The following MAGI3 variants were observed in gnomAD, a reference collection of about 807,000 sequenced individuals.
The protein encoded by MAGI3 is membrane associated guanylate kinase, WW and PDZ domain containing 3, also known as membrane-associated guanylate kinase, WW and PDZ domain-containing protein 3.
In MAGI3, 43 loss-of-function variants were observed where a neutral mutation model predicts 121.8. That is an observed-to-expected ratio of 0.35 (90% CI 0.28 to 0.46). The LOEUF (loss-of-function observed/expected upper bound fraction) is 0.46. Ranked by LOEUF, MAGI3 falls within the 20% of genes least tolerant of loss-of-function variation. MAGI3 has a pLI of 1.00. For missense variants in MAGI3, 1,547 were observed against 1,797.3 expected (o/e 0.86, Z 2.52); for synonymous variants, 553 against 639.3 (o/e 0.86, Z 2.04).
intron 1 of MAGI3, among the ~76,000 whole-genome samples, chr1:113,527,969 T>G (rs553319567): frequency 1.3e-5 from 2 of 152,154 alleles, no homozygotes; most frequent in Non-Finnish European, 2.9e-5. Context: ...TATCTATAAG[T>G]ATGTGTGTGT....
chr1:113,582,470 AC>A (rs5777161), intron 3 of MAGI3, among the ~76,000 whole-genome samples: 111,799 of 151,846 alleles, frequency 0.74, 41,698 homozygotes, highest in African/African-American at 0.78. Flanking sequence ...ATAGGTATCA[AC>A]ATTAATAGGT....
At chr1:113,472,825 T>A (rs893330376) in intron 1 of MAGI3, among the ~76,000 whole-genome samples, 1 of 152,124 alleles carries the variant, frequency 6.6e-6, no homozygotes, top group Non-Finnish European at 1.5e-5. Flanking sequence ...CAACTTGACT[T>A]CAAATACCTA....
At chr1:113,526,731 A>G (rs1165444354) in intron 1 of MAGI3, among the ~76,000 whole-genome samples, 1 of 152,210 alleles carries the variant, frequency 6.6e-6, no homozygotes, top group Non-Finnish European at 1.5e-5. Flanking sequence ...CTGTTGGCTC[A>G]ATCAGGCTAA....
chr1:113,410,873 A>C (rs190606120), intron 1 of MAGI3, among the ~76,000 whole-genome samples: 2 of 152,220 alleles, frequency 1.3e-5, no homozygotes, highest in East Asian at 3.9e-4. Flanking sequence ...CTACACCTAA[A>C]ATTTTGCCAT....
chr1:113,634,823 C>G (rs1034242654), intron 9 of MAGI3, among the ~76,000 whole-genome samples: 2 of 152,120 alleles, frequency 1.3e-5, no homozygotes, highest in Non-Finnish European at 2.9e-5. Context: ...TTACCTTGGT[C>G]AATATGGCCA....
At chr1:113,652,973 T>C (rs1429642559) in intron 14 of MAGI3, among the ~76,000 whole-genome samples, 3 of 152,206 alleles carry the variant, frequency 2.0e-5, no homozygotes, top group East Asian at 1.9e-4. Context: ...TCCCAGCAAG[T>C]TGAGGGGTGG....
chr1:113,394,926 A>T (rs550587827), intron 1 of MAGI3, among the ~76,000 whole-genome samples: 1 of 152,224 alleles, frequency 6.6e-6, no homozygotes, highest in African/African-American at 2.4e-5. Flanking sequence ...ACTCTTTGGG[A>T]CATCCAATTT....
chr1:113,478,555 GAGGCTGTAGAACAGCAA>G (rs1245854104), intron 1 of MAGI3, among the ~76,000 whole-genome samples: 4 of 152,170 alleles, frequency 2.6e-5, no homozygotes, highest in African/African-American at 9.7e-5. Context: ...ATCACCAGCG[GAGGCTGTAGAACAGCAA>G]ATATTGCACA....
intron 4 of MAGI3, among the ~76,000 whole-genome samples, chr1:113,586,919 T>C (rs892369381): frequency 6.6e-6 from 1 of 152,212 alleles, no homozygotes; most frequent in Non-Finnish European, 1.5e-5. Flanking sequence ...ACTGATGTTA[T>C]ATACTCTTTG....
intron 1 of MAGI3, among the ~76,000 whole-genome samples, chr1:113,425,887 A>AT (rs1240094140): frequency 6.6e-6 from 1 of 151,840 alleles, no homozygotes; most frequent in East Asian, 1.9e-4. Flanking sequence ...TGTTTAATTG[A>AT]TTTTTTATTT....
In MAGI3 at chr1:113,391,016, G is replaced by A; in HGVS notation, c.-18G>A. ...GCCGCCCGCGCGGGGTCTCCCCCAT[G>A]GTGCAGCGGGGTTCGGGATGTCGAA... On this transcript the variant is annotated 5_prime_UTR_variant, in exon 1 of 21. The change abolishes an upstream ATG in the 5' untranslated region. Transcript: ENST00000307546. This position sits in a 1 kb window ranked among gnomAD's most constrained non-coding sequence, Gnocchi z 4.4. The A allele has an allele frequency of 1.9e-6, 3 of 1,555,980 alleles. No homozygotes were observed. Among genetic ancestry groups the A allele is most frequent in the Non-Finnish European group, 2.6e-6 (3 of 1,154,108 alleles).
chr1:113,466,067 T>G (rs1051011000), intron 1 of MAGI3, among the ~76,000 whole-genome samples: 1 of 152,162 alleles, frequency 6.6e-6, no homozygotes, highest in Non-Finnish European at 1.5e-5. Flanking sequence ...TATCCTTGTC[T>G]TGTTTCAGAT....
At chr1:113,473,883 A>G (rs1237423555) in intron 1 of MAGI3, among the ~76,000 whole-genome samples, 2 of 152,184 alleles carry the variant, frequency 1.3e-5, no homozygotes, top group East Asian at 3.9e-4. Context: ...ATTCCCACTT[A>G]CAGTATAAAA....
intron 1 of MAGI3, among the ~76,000 whole-genome samples, chr1:113,522,414 C>CT (rs1658242286): frequency 6.6e-6 from 1 of 152,178 alleles, no homozygotes; most frequent in South Asian, 2.1e-4. Context: ...CTGTCATATA[C>CT]TTTTTTATAA....
At chr1:113,590,273 C>T (rs1178853963) in intron 4 of MAGI3, among the ~76,000 whole-genome samples, 1 of 152,054 alleles carries the variant, frequency 6.6e-6, no homozygotes, top group East Asian at 1.9e-4. Context: ...AGACTAGCAT[C>T]AGAGGTGCTA....
At chr1:113,503,330 A>AT (rs903529057) in intron 1 of MAGI3, among the ~76,000 whole-genome samples, 1 of 148,170 alleles carries the variant, frequency 6.7e-6, no homozygotes, top group Non-Finnish European at 1.5e-5. Context: ...AAAAAAAAAA[A>AT]AAAGGCTTAA....
chr1:113,413,737 C>G (rs138016655), intron 1 of MAGI3, among the ~76,000 whole-genome samples: 7 of 152,028 alleles, frequency 4.6e-5, no homozygotes, highest in Admixed American at 4.6e-4. Flanking sequence ...TTGTATCCTG[C>G]GACTTTGCCG....
In MAGI3 at chr1:113,533,786, T is replaced by A. The variant is rs1161322707; in HGVS notation, c.317-15729T>A. On this transcript the variant is annotated intron_variant, in intron 1 of 20. Transcript: ENST00000307546. ...ACTGTTTAAATATCTTTTCTTTTTC[T>A]TTTTTTTTTTTTTTGGAATCAGATT... Among the ~76,000 whole-genome samples, 5 of 85,252 alleles carry A rather than the reference T, an allele frequency of 5.9e-5. No individual in the cohort carries two copies. In the South Asian group the frequency reaches 1.7e-3, roughly 28 times the overall value. The allele number at this position is 85,252 out of a possible 152,430, so 55.9% of individuals were successfully genotyped here. A position where few individuals can be genotyped will look rare whatever the true frequency, so the allele number is the denominator to read the frequency against.
At position 113,462,685 on chromosome 1, in the gene MAGI3, T is replaced by A. The variant is rs1655091856; in HGVS notation, c.316+71336T>A. Reference sequence around the variant, plus strand: ...GTTTACCTATGTAACAAACCTTCACTTCTACCCCCAAACCTAAAATAAAAG... The same window carrying A: ...GTTTACCTATGTAACAAACCTTCACATCTACCCCCAAACCTAAAATAAAAG... On this transcript the variant is annotated intron_variant, in intron 1 of 20. Coordinates refer to ENST00000307546, the MANE Select transcript of MAGI3 (RefSeq NM_001142782.2). Among the ~76,000 whole-genome samples, 2 of 152,050 alleles carry A rather than the reference T, an allele frequency of 1.3e-5. 1 individual carries two copies. The highest frequency in any genetic ancestry group is 4.2e-4 in the South Asian group (2 of 4,814).
Sources: gnomAD v4.1 joint callset for allele counts (sites outside exome capture counted in the v4.1 genomes callset) on GRCh38, gnomAD v4.1.1 for gene constraint, Gnocchi (gnomAD v3.1) non-coding constraint, MANE v1.5 for transcripts, NCBI Gene and HGNC (gene_info 2026-07-23, HGNC 2026-07-21) for gene names.